Variants in ADAMTS8 observed in about 807,000 individuals in gnomAD.
The protein encoded by ADAMTS8 is A disintegrin and metalloproteinase with thrombospondin motifs 8.
In ADAMTS8, 50 loss-of-function variants were observed where a neutral mutation model predicts 64.4. That is an observed-to-expected ratio of 0.78 (90% CI 0.62 to 0.98). ADAMTS8 has a LOEUF of 0.98. Among genes scored for constraint, ADAMTS8 ranks in the 50% least tolerant of loss-of-function variants. The pLI is 0.00. For synonymous variants in ADAMTS8, 556 were observed against 533.6 expected, an observed-to-expected ratio of 1.04 and a Z score of -0.58; for missense variants, 1,192 against 1,208.2, an observed-to-expected ratio of 0.99 and a Z score of 0.20.
chr11:130,416,048 C>G lies in ADAMTS8; in HGVS notation c.1264+115G>C. ...TGAATGCCCCAGCGTGGGAGGCTGG[C>G]CGGGGACTCAGCTCTAAGGGCCCTG... On this transcript the variant is annotated intron_variant, in intron 4 of 8. Transcript: ENST00000257359. This position sits in a 1 kb window ranked among gnomAD's most constrained non-coding sequence, Gnocchi z 4.8. 3 of 1,275,920 alleles carry G rather than the reference C, an allele frequency of 2.4e-6. No homozygotes were observed. Among genetic ancestry groups the G allele is most frequent in the Non-Finnish European group, 3.1e-6 (3 of 956,814 alleles). 79.0% of individuals were successfully genotyped at this position (1,275,920 alleles called of 1,614,324 possible). A position where few individuals can be genotyped will look rare whatever the true frequency, so the allele number is the denominator to read the frequency against.
In ADAMTS8 at chr11:130,428,401, G is replaced by C. The variant is rs1296226582; in HGVS notation, c.-115C>G. ...CTCTCCAGGAAAAGCGGAATCAATCGGGTGCAAGGCCGACTCGGCCCGCGG... is the reference window on the plus strand; with the variant it reads ...CTCTCCAGGAAAAGCGGAATCAATCCGGTGCAAGGCCGACTCGGCCCGCGG... On this transcript the variant is annotated 5_prime_UTR_variant, in exon 1 of 9. Coordinates refer to ENST00000257359, the MANE Select transcript of ADAMTS8 (RefSeq NM_007037.6). 2.6e-6 allele frequency: 3 copies of C among 1,172,524 alleles called. No individual in the cohort carries two copies. Among genetic ancestry groups the C allele is most frequent in the African/African-American group, 1.6e-5 (1 of 60,874 alleles). 72.6% of individuals were successfully genotyped at this position (1,172,524 alleles called of 1,614,324 possible).
rs924657274 is a variant in ADAMTS8, at chr11:130,405,425, G to A, written c.*133C>T. On this transcript the variant is annotated 3_prime_UTR_variant, in exon 9 of 9. Coordinates refer to ENST00000257359, the MANE Select transcript of ADAMTS8 (RefSeq NM_007037.6). ...GAATTTGTGCAGTACTGGAGGGGTT[G>A]CGGCAATGGGAGGCCTGGGTGGGCC... 12 of 1,486,990 alleles carry A rather than the reference G, an allele frequency of 8.1e-6. No individual in the cohort carries two copies. Among genetic ancestry groups the A allele is most frequent in the African/African-American group, 1.4e-5 (1 of 71,206 alleles). The allele number at this position is 1,486,990 out of a possible 1,614,324, so 92.1% of individuals were successfully genotyped here. A position where few individuals can be genotyped will look rare whatever the true frequency, so the allele number is the denominator to read the frequency against.
At chr11:130,421,694 A>G (rs1023997863) in intron 1 of ADAMTS8, among the ~76,000 whole-genome samples, 11 of 152,180 alleles carry the variant, frequency 7.2e-5, no homozygotes, top group African/African-American at 2.7e-4. Context: ...TGCGTCTCAC[A>G]GTTCCCTACG....
intron 2 of ADAMTS8, 107 bp downstream of exon 2, chr11:130,418,946 G>A: frequency 6.5e-7 from 1 of 1,540,500 alleles, no homozygotes; most frequent in East Asian, 2.3e-5. Flanking sequence ...TCCAGCTGGG[G>A]CCAGCAGGGA....
At position 130,408,831 on chromosome 11, in the gene ADAMTS8, CCGGG is replaced by C; in HGVS notation, c.1856_1859del (p.Pro619ArgfsTer23). 1 of 1,613,966 alleles carries C rather than the reference CCGGG, an allele frequency of 6.2e-7. No homozygotes were observed. The highest frequency in any genetic ancestry group is 8.5e-7 in the Non-Finnish European group (1 of 1,179,976). On this transcript the variant is annotated frameshift_variant, in exon 7 of 9. Transcript: ENST00000257359. LOFTEE classifies it high-confidence loss of function. ...CTCGGCAGAACAACTTGCAGCGGTC[CCGGG>C]GGGACACCCCAGCATACTTGGGGAC...
At position 130,419,312 on chromosome 11, in the gene ADAMTS8, A is replaced by G. The variant is rs1432213686; in HGVS notation, c.721-20T>C. ...GTGGTTCTGTCAGGAAGGAGGAGAC[A>G]AGAGGCGGAGTGAAGGGTTAAGTCT... On this transcript the variant is annotated intron_variant, in intron 1 of 8. Transcript: ENST00000257359. 6.2e-7 allele frequency: 1 copy of G among 1,613,464 alleles called. No homozygotes were observed. Among genetic ancestry groups the G allele is most frequent in the Non-Finnish European group, 8.5e-7 (1 of 1,179,844 alleles).
chr11:130,414,411 G>T (rs1592130781), intron 5 of ADAMTS8, 120 bp downstream of exon 5: 1 of 1,256,358 alleles, frequency 8.0e-7, no homozygotes, highest in Non-Finnish European at 1.1e-6. Context: ...GCTCTGCCTG[G>T]CTGTCTCTCG....
chr11:130,417,178 A>G (rs1862038056), intron 2 of ADAMTS8, 103 bp from the exon 3 acceptor site: 6 of 1,455,524 alleles, frequency 4.1e-6, no homozygotes, highest in East Asian at 2.3e-5. Flanking sequence ...GGAGTGGACC[A>G]CTGAGCGTCC....
rs778220643 is a variant in ADAMTS8, at chr11:130,427,960, C to A, written c.327G>T (p.Glu109Asp). 5.2e-6 allele frequency: 8 copies of A among 1,531,924 alleles called. No individual in the cohort carries two copies. The African/African-American group carries it at 8.3e-5, about 16-fold the overall frequency. The allele number at this position is 1,531,924 out of a possible 1,614,324, so 94.9% of individuals were successfully genotyped here. A position where few individuals can be genotyped will look rare whatever the true frequency, so the allele number is the denominator to read the frequency against. ...GGCTGACCGCCGCCAGCGACTCGGG[C>A]TCCCCATTCACGGTGCCGGAGAAGA... The part of the protein sequence containing the change: ...GCFFSGTVNG[E>D]PESLAAVSLC... The change falls in exon 1 of 9, where the codon GAG (glutamate) becomes GAT (aspartate). Residue 109 changes from glutamate (E) to aspartate (D), a missense_variant. This residue lies in a region of ADAMTS8 where 741 missense variants were observed against 710.6 expected (regional missense o/e 1.04). Transcript: ENST00000257359.
At position 130,416,137 on chromosome 11, in the gene ADAMTS8, A is replaced by G. The variant is rs750074306; in HGVS notation, c.1264+26T>C. 1 of 1,544,114 alleles carries G rather than the reference A, an allele frequency of 6.5e-7. No homozygotes were observed. The highest frequency in any genetic ancestry group is 2.4e-5 in the East Asian group (1 of 42,244). On this transcript the variant is annotated intron_variant, in intron 4 of 8. Coordinates refer to ENST00000257359, the MANE Select transcript of ADAMTS8 (RefSeq NM_007037.6). This position sits in a 1 kb window ranked among gnomAD's most constrained non-coding sequence, Gnocchi z 4.8. ...CAGTGGAAGGAGGCCCACGGGGACA[A>G]GTAGGGCGGGGCCGCCGGTGCCTAC...
In ADAMTS8 at chr11:130,427,566, C is replaced by T. The variant is rs1030238849; in HGVS notation, c.720+1G>A. 2.0e-6 allele frequency: 3 copies of T among 1,536,574 alleles called. No homozygotes were observed. The highest frequency in any genetic ancestry group is 2.6e-6 in the Non-Finnish European group (3 of 1,146,572). On this transcript the variant is annotated splice_donor_variant, in intron 1 of 8. Coordinates refer to ENST00000257359, the MANE Select transcript of ADAMTS8 (RefSeq NM_007037.6). LOFTEE classifies it high-confidence loss of function. ...CGGCTGGAGGAGGCTCTCAGTCCTA[C>T]CTGCAGGTCGGCCCCGTAGAAGGCA...
rs386375276 is a variant in ADAMTS8, at chr11:130,415,603, C to CTTT, written c.1264+557_1264+559dup. The stretch of plus-strand genomic sequence containing the variant: ...CGGGCAGAAGCCACTGCACCTGGCC[C>CTTT]TTTTTTTTTTTTTTTTTTTTAAAGA... On this transcript the variant is annotated intron_variant, in intron 4 of 8. Coordinates refer to ENST00000257359, the MANE Select transcript of ADAMTS8 (RefSeq NM_007037.6). Among the ~76,000 whole-genome samples the CTTT allele has an allele frequency of 5.7e-3, 595 of 104,772 alleles. 11 individuals are homozygous for CTTT. The highest frequency in any genetic ancestry group is 0.018 in the African/African-American group (486 of 27,502). 68.7% of individuals were successfully genotyped at this position (104,772 alleles called of 152,430 possible).
intron 1 of ADAMTS8, among the ~76,000 whole-genome samples, chr11:130,426,549 G>A (rs1862169526): frequency 6.6e-6 from 1 of 152,130 alleles, no homozygotes; most frequent in African/African-American, 2.4e-5. Context: ...TGCTCCCTAG[G>A]GGCAAAGAGC....
chr11:130,406,181 C>A, intron 8 of ADAMTS8, 53 bp from the exon 9 acceptor site: 2 of 1,556,142 alleles, frequency 1.3e-6, no homozygotes, highest in South Asian at 2.3e-5. Context: ...CAGCCCAGGT[C>A]ACGATGATGC....
intron 2 of ADAMTS8, 25 bp from the exon 3 acceptor site, chr11:130,417,100 G>A (rs768367535): frequency 3.1e-6 from 5 of 1,613,130 alleles, no homozygotes; most frequent in Non-Finnish European, 4.2e-6. Context: ...GAGAGCAAGA[G>A]AGTGCATCAG....
intron 1 of ADAMTS8, among the ~76,000 whole-genome samples, chr11:130,422,615 G>A (rs1862115110): frequency 6.6e-6 from 1 of 152,234 alleles, no homozygotes; most frequent in Non-Finnish European, 1.5e-5. Flanking sequence ...GAGAAGCAAA[G>A]CGAGAGGAAA....
rs769080732 is a variant in ADAMTS8, at chr11:130,406,140, A to G, written c.2100-12T>C. The G allele has an allele frequency of 1.9e-6, 3 of 1,598,720 alleles. No individual in the cohort carries two copies. The highest frequency in any genetic ancestry group is 2.6e-6 in the Non-Finnish European group (3 of 1,175,500). On this transcript the variant is annotated splice_polypyrimidine_tract_variant and intron_variant, in intron 8 of 8. Transcript: ENST00000257359. ...CATTGTAGCCATAACTGTGATAGAA[A>G]CAGAAGGACACCCTTAGACCAGTGG... is the stretch of plus-strand genomic sequence containing the variant.
chr11:130,409,087 A>G (rs1407486671), intron 6 of ADAMTS8, 147 bp from the exon 7 acceptor site: 3 of 863,232 alleles, frequency 3.5e-6, no homozygotes, highest in African/African-American at 3.4e-5. Context: ...TTCTGGGCAC[A>G]ACATTCCTAG....
chr11:130,425,702 A>G (rs375292696), intron 1 of ADAMTS8, among the ~76,000 whole-genome samples: 6 of 150,362 alleles, frequency 4.0e-5, no homozygotes, highest in African/African-American at 1.5e-4. Context: ...CTGAGTTGAC[A>G]CCATTCTCCT....
Sources: allele counts gnomAD v4.1 joint callset (sites outside exome capture counted in the v4.1 genomes callset), GRCh38; gene constraint gnomAD v4.1.1; regional missense constraint gnomAD v4.1.1; non-coding constraint Gnocchi (gnomAD v3.1); transcripts MANE v1.5; gene names NCBI Gene and HGNC (gene_info 2026-07-23, HGNC 2026-07-21).